The following PSG6 variants were observed in gnomAD, a reference collection of about 807,000 sequenced individuals.
The protein encoded by PSG6 is pregnancy specific beta-1-glycoprotein 6.
Under a neutral mutation model 43.3 loss-of-function variants are expected in PSG6, and 51 were observed. That is an observed-to-expected ratio of 1.18 (90% CI 0.94 to 1.49). The LOEUF is 1.49. Among genes scored for constraint, PSG6 ranks in the 40% most tolerant of loss-of-function variants. The pLI, the probability that PSG6 is intolerant of heterozygous loss-of-function variation, is 0.00. For missense variants in PSG6, 770 were observed against 522.2 expected, an observed-to-expected ratio of 1.47 and a Z score of -4.62; for synonymous variants, 292 against 197.6, an observed-to-expected ratio of 1.48 and a Z score of -4.01.
chr19:42,911,286 A>G (rs1972220113), intron 2 of PSG6, among the ~76,000 whole-genome samples: 1 of 151,580 alleles, frequency 6.6e-6, no homozygotes, highest in Admixed American at 6.6e-5. Context: ...TGCCAAGGAC[A>G]TCCTAGAGAT....
chr19:42,909,097 C>A (rs947793308), intron 3 of PSG6, among the ~76,000 whole-genome samples: 4 of 151,720 alleles, frequency 2.6e-5, no homozygotes, highest in African/African-American at 9.7e-5. Flanking sequence ...ACTGGTTTAG[C>A]ATCCCAAATC....
rs919864795 is a variant in PSG6, at chr19:42,904,867, C to G, written c.1240+2055G>C. ...AGGAAGAATGAAGCTGGAGGACTCA[C>G]ACTTCCTGATTTCAGCATTTACTAC... On this transcript the variant is annotated intron_variant, in intron 5 of 5. Transcript: ENST00000187910. Among the ~76,000 whole-genome samples the G allele has an allele frequency of 2.7e-4, 41 of 151,766 alleles. 3 individuals are homozygous for G. Among genetic ancestry groups the G allele is most frequent in the Admixed American group, 2.2e-3 (33 of 15,190 alleles).
Position 42,910,302 on chromosome 19 carries a change from C to T in PSG6, c.706+278G>A, listed in dbSNP as rs142223096. 2.8e-3 allele frequency: 2,258 copies of T among 807,730 alleles called. 59 individuals carry two copies. The African/African-American group carries it at 0.029, about 11-fold the overall frequency. The allele number at this position is 807,730 out of a possible 1,614,324, so 50.0% of individuals were successfully genotyped here. A position where few individuals can be genotyped will look rare whatever the true frequency, so the allele number is the denominator to read the frequency against. On this transcript the variant is annotated intron_variant, in intron 3 of 5. Coordinates refer to ENST00000187910, the MANE Select transcript of PSG6 (RefSeq NM_001031850.4). ...AACACTGAAGTCCCAGCCAAATCCC[C>T]GCTGTGTTCACTGATCTGGAGCCTG... is the stretch of plus-strand genomic sequence containing the variant.
intron 5 of PSG6, among the ~76,000 whole-genome samples, chr19:42,905,154 A>G (rs1399660815): frequency 1.3e-5 from 2 of 151,750 alleles, no homozygotes; most frequent in African/African-American, 2.4e-5. Context: ...ATCTAAATGT[A>G]AGAGTAAAAA....
intron 5 of PSG6, 112 bp downstream of exon 5, chr19:42,906,810 C>T (rs1189374777): frequency 6.2e-6 from 10 of 1,604,142 alleles, no homozygotes; most frequent in Non-Finnish European, 8.5e-6. Flanking sequence ...TTGGGATTTG[C>T]TTGTGCCCAT....
chr19:42,917,718 C>A lies in PSG6; in HGVS notation c.64+11G>T, dbSNP rs192221590. ...CTCCTCCTGTCCTCTCCCAGGAAGT[C>A]CTCTCCTCACCTGTGAGCAGGAGCC... On this transcript the variant is annotated intron_variant, in intron 1 of 5. Coordinates refer to ENST00000187910, the MANE Select transcript of PSG6 (RefSeq NM_001031850.4). 1 of 1,607,484 alleles carries A rather than the reference C, an allele frequency of 6.2e-7. No individual in the cohort carries two copies. Among genetic ancestry groups the A allele is most frequent in the East Asian group, 2.2e-5 (1 of 44,620 alleles).
chr19:42,909,364 T>G (rs1396615902), intron 3 of PSG6, among the ~76,000 whole-genome samples: 1 of 151,600 alleles, frequency 6.6e-6, no homozygotes, highest in Admixed American at 6.6e-5. Context: ...TCTGGTTGCT[T>G]CTTTTTCTCA....
intron 1 of PSG6, 37 bp from the exon 2 acceptor site, chr19:42,916,524 C>T (rs1166349654): frequency 6.3e-7 from 1 of 1,587,816 alleles, no homozygotes; most frequent in Non-Finnish European, 8.6e-7. Flanking sequence ...ATATTTGGAC[C>T]TATGTATTGG....
chr19:42,915,109 A>G (rs1280140235), intron 2 of PSG6, among the ~76,000 whole-genome samples: 1 of 151,322 alleles, frequency 6.6e-6, no homozygotes, highest in African/African-American at 2.4e-5. Context: ...CTGGTAGAGG[A>G]GAGGATGGGC....
rs1378717997 is a variant in PSG6 at position 42,910,771 on chromosome 19, G to A, written c.515C>T (p.Thr172Ile). Residue 172 changes from threonine to isoleucine, a missense_variant, in exon 3 of 6, where the codon ACT (threonine) becomes ATT (isoleucine). Thr to Ile is a moderately conservative substitution (Grantham distance 89). Transcript: ENST00000187910. ...EAVRLICDPE[T>I]PDASYLWLLN... ...CAACCACAGGTAGCTTGCATCCGGAGTCTCAGGATCACAGATTAAGCGCAC... is the reference window on the plus strand; with the variant it reads ...CAACCACAGGTAGCTTGCATCCGGAATCTCAGGATCACAGATTAAGCGCAC... 6 of 1,612,408 alleles carry A rather than the reference G, an allele frequency of 3.7e-6. No homozygotes were observed. Among genetic ancestry groups the A allele is most frequent in the South Asian group, 1.1e-5 (1 of 90,618 alleles).
chr19:42,910,828 C>T lies in PSG6; in HGVS notation c.458G>A (p.Ser153Asn). The T allele has an allele frequency of 1.9e-6, 3 of 1,611,580 alleles. No homozygotes were observed. Among genetic ancestry groups the T allele is most frequent in the African/African-American group, 2.7e-5 (2 of 74,806 alleles). The change falls in exon 3 of 6, where the codon AGC becomes AAC. Residue 153 changes from serine (S) to asparagine (N), a missense_variant. Coordinates refer to ENST00000187910, the MANE Select transcript of PSG6 (RefSeq NM_001031850.4). ...CATGACCTCCCTGGGGTTTAAGTTG[C>T]TGCTGGAGATGGAGGGCTTGGGAGT... is the stretch of plus-strand genomic sequence containing the variant. ...SETPKPSISS[S>N]NLNPREVMEA...
intron 2 of PSG6, among the ~76,000 whole-genome samples, chr19:42,913,309 C>G (rs1335777024): frequency 1.3e-5 from 2 of 151,598 alleles, no homozygotes; most frequent in African/African-American, 4.8e-5. Flanking sequence ...CACCACCATG[C>G]CCAGCTAATT....
At chr19:42,906,781 G>A in intron 5 of PSG6, 141 bp downstream of exon 5, 1 of 1,592,694 alleles carries the variant, frequency 6.3e-7, no homozygotes. Context: ...GATAAGTTGG[G>A]AGGGTTCAGG....
chr19:42,907,329 A>G (rs143221066), intron 4 of PSG6, among the ~76,000 whole-genome samples, 153 bp from the exon 5 acceptor site: 1 of 151,994 alleles, frequency 6.6e-6, no homozygotes, highest in African/African-American at 2.4e-5. Flanking sequence ...AGCCTGAGGT[A>G]TTCCCCTGTT....
rs1325761036 is a variant in PSG6, at chr19:42,915,025, T to C, written c.427+1100A>G. On this transcript the variant is annotated intron_variant, in intron 2 of 5. Coordinates refer to ENST00000187910, the MANE Select transcript of PSG6 (RefSeq NM_001031850.4). ...CCATTTGCTCTCACTCCTCTGAGGT[T>C]TGGATGCCTAAGAAGAGAGGATTTG... 1.3e-5 allele frequency among the ~76,000 whole-genome samples: 2 copies of C among 151,524 alleles called. 1 individual carries two copies. Among genetic ancestry groups the C allele is most frequent in the Non-Finnish European group, 2.9e-5 (2 of 67,848 alleles).
rs1012035631 is a variant in PSG6, at chr19:42,902,208, C to T, written c.*204G>A. On this transcript the variant is annotated 3_prime_UTR_variant, in exon 6 of 6. Coordinates refer to ENST00000187910, the MANE Select transcript of PSG6 (RefSeq NM_001031850.4). ...TTCAATTTTTGTTTACAAAAGTATA[C>T]TTTACCAATTGCTGAAGAAAAAAAG... 7 of 636,098 alleles carry T rather than the reference C, an allele frequency of 1.1e-5. No individual in the cohort carries two copies. The African/African-American group carries it at 1.3e-4, about 12-fold the overall frequency. 39.4% of individuals were successfully genotyped at this position (636,098 alleles called of 1,614,324 possible).
chr19:42,907,226 A>G, intron 4 of PSG6, 50 bp from the exon 5 acceptor site: 1 of 1,590,026 alleles, frequency 6.3e-7, no homozygotes, highest in Admixed American at 1.7e-5. Context: ...AGGGAAGGGG[A>G]TGCTCCTGGT....
intron 5 of PSG6, among the ~76,000 whole-genome samples, chr19:42,905,785 G>A (rs1423522767): frequency 2.6e-5 from 4 of 151,598 alleles, no homozygotes; most frequent in Non-Finnish European, 5.9e-5. Context: ...GATGAACCTT[G>A]AAGATATTAT....
chr19:42,916,009 C>G, intron 2 of PSG6, 116 bp downstream of exon 2: 1 of 1,539,518 alleles, frequency 6.5e-7, no homozygotes, highest in South Asian at 1.2e-5. Flanking sequence ...CAAACCCCAG[C>G]ATGGGACATA....
Sources: gnomAD v4.1 joint callset for allele counts (sites outside exome capture counted in the v4.1 genomes callset) on GRCh38, gnomAD v4.1.1 for gene constraint, MANE v1.5 for transcripts, NCBI Gene and HGNC (gene_info 2026-07-23, HGNC 2026-07-21) for gene names.